The following TRABD2B variants were observed in gnomAD, a reference collection of about 807,000 sequenced individuals.
The protein encoded by TRABD2B is TraB domain containing 2B.
Under a neutral mutation model 40.1 loss-of-function variants are expected in TRABD2B, and 14 were observed. The observed-to-expected ratio is 0.35, with a 90% CI of 0.23 to 0.55. The LOEUF is 0.55. Among genes scored for constraint, TRABD2B ranks in the 20% least tolerant of loss-of-function variants. TRABD2B has a pLI of 0.90. For synonymous variants in TRABD2B, 263 were observed against 277.0 expected, an observed-to-expected ratio of 0.95 and a Z score of 0.50; for missense variants, 541 against 648.6, an observed-to-expected ratio of 0.83 and a Z score of 1.80.
In TRABD2B at chr1:47,910,509, C is replaced by T. The variant is rs540784326; in HGVS notation, c.666+83525G>A. Among the ~76,000 whole-genome samples, 6 of 152,240 alleles carry T rather than the reference C, an allele frequency of 3.9e-5. No homozygotes were observed. In the South Asian group the frequency reaches 1.2e-3, roughly 32 times the overall value. ...GATGGCCATGGGAAGTAGTGAGTACCTTGTCACTCAGAGAGTGGGAGAATG... is the reference window on the plus strand; with the variant it reads ...GATGGCCATGGGAAGTAGTGAGTACTTTGTCACTCAGAGAGTGGGAGAATG... On this transcript the variant is annotated intron_variant, in intron 2 of 6. Coordinates refer to ENST00000606738, the MANE Select transcript of TRABD2B (RefSeq NM_001194986.2).
At chr1:47,918,820 C>G (rs1644863807) in intron 2 of TRABD2B, among the ~76,000 whole-genome samples, 1 of 152,212 alleles carries the variant, frequency 6.6e-6, no homozygotes, top group South Asian at 2.1e-4. Context: ...TCCAAGAACT[C>G]GATCTGAGCC....
chr1:47,789,310 G>C (rs959378128), intron 4 of TRABD2B, among the ~76,000 whole-genome samples: 4 of 152,198 alleles, frequency 2.6e-5, no homozygotes, highest in Middle Eastern at 3.4e-3. Flanking sequence ...CAGGTTCATG[G>C]GCCCTCATTG....
intron 2 of TRABD2B, among the ~76,000 whole-genome samples, chr1:47,851,592 G>A (rs1391185164): frequency 6.6e-6 from 1 of 152,198 alleles, no homozygotes; most frequent in Non-Finnish European, 1.5e-5. Flanking sequence ...GAGTTTTGTA[G>A]AGTCAGAAGT....
rs1644295316 is a variant in TRABD2B at position 47,765,905 on chromosome 1, G to C, written c.1551C>G (p.Ser517=). The C allele has an allele frequency of 2.8e-6, 2 of 702,874 alleles. No individual in the cohort carries two copies. The highest frequency in any genetic ancestry group is 2.0e-5 in the Admixed American group (1 of 50,000). The allele number at this position is 702,874 out of a possible 1,614,324, so 43.5% of individuals were successfully genotyped here. A position where few individuals can be genotyped will look rare whatever the true frequency, so the allele number is the denominator to read the frequency against. Residue 517 remains serine, a synonymous_variant, in exon 7 of 7, where the codon TCC becomes TCG. Coordinates refer to ENST00000606738, the MANE Select transcript of TRABD2B (RefSeq NM_001194986.2). ...VCFLLHSLGP[S] ...TCTCCACTTGGGGTGGCCGAGGTCA[G>C]GAGGGCCCAAGGCTATGCAGCAGGA...
At chr1:47,861,227 C>A (rs902003442) in intron 2 of TRABD2B, among the ~76,000 whole-genome samples, 2 of 151,408 alleles carry the variant, frequency 1.3e-5, no homozygotes, top group African/African-American at 4.9e-5. Flanking sequence ...TTTCCCATCC[C>A]GAGGAGACAT....
At chr1:47,782,941 G>A (rs1644545372) in intron 4 of TRABD2B, among the ~76,000 whole-genome samples, 1 of 152,130 alleles carries the variant, frequency 6.6e-6, no homozygotes, top group South Asian at 2.1e-4. Flanking sequence ...ACTGACAGCT[G>A]TTCTCTGGCC....
chr1:47,806,141 A>G (rs887762223), intron 2 of TRABD2B, among the ~76,000 whole-genome samples: 10 of 152,254 alleles, frequency 6.6e-5, no homozygotes, highest in African/African-American at 2.4e-4. Context: ...GTGCTCCTTC[A>G]CCAGCATCCT....
intron 2 of TRABD2B, among the ~76,000 whole-genome samples, chr1:47,869,201 A>C (rs1644105389): frequency 6.6e-6 from 1 of 152,186 alleles, no homozygotes; most frequent in Non-Finnish European, 1.5e-5. Context: ...ATACACATAC[A>C]TGTATACATA....
chr1:47,785,019 A>G (rs1285500869), intron 4 of TRABD2B, among the ~76,000 whole-genome samples: 1 of 152,172 alleles, frequency 6.6e-6, no homozygotes, highest in Non-Finnish European at 1.5e-5. Context: ...GAGATGAGTG[A>G]GGAGTGAGAG....
chr1:47,985,884 G>A (rs1251541032), intron 2 of TRABD2B, among the ~76,000 whole-genome samples: 3 of 152,196 alleles, frequency 2.0e-5, no homozygotes, highest in Non-Finnish European at 4.4e-5. Flanking sequence ...ATTCAAAGGA[G>A]TAAGAGTTAG....
chr1:47,815,825 A>C (rs6703555), intron 2 of TRABD2B, among the ~76,000 whole-genome samples: 4,917 of 85,976 alleles, frequency 0.057, 284 homozygotes, highest in African/African-American at 0.16. Context: ...AGATAGATAG[A>C]TAGATAGATA....
intron 2 of TRABD2B, among the ~76,000 whole-genome samples, chr1:47,904,868 C>T (rs1209160754): frequency 1.3e-5 from 2 of 152,334 alleles, no homozygotes; most frequent in Middle Eastern, 3.4e-3. Flanking sequence ...TCTGTGCTCT[C>T]TCCCGATATA....
In TRABD2B at chr1:47,997,312, G is replaced by A. The variant is rs1195333373; in HGVS notation, c.-523C>T. The A allele has an allele frequency of 2.6e-6, 2 of 768,232 alleles. No individual in the cohort carries two copies. The highest frequency in any genetic ancestry group is 5.9e-5 in the South Asian group (1 of 17,040). The allele number at this position is 768,232 out of a possible 1,614,324, so 47.6% of individuals were successfully genotyped here. On this transcript the variant is annotated 5_prime_UTR_variant, in exon 1 of 7. Transcript: ENST00000606738. ...CGGCTGCCCCCGAGCCCGGCTCAGA[G>A]GGGCGGCGGGCGGCCGCGCGGCCGC...
intron 2 of TRABD2B, among the ~76,000 whole-genome samples, chr1:47,939,336 T>C (rs1348560992): frequency 6.6e-6 from 1 of 152,044 alleles, no homozygotes; most frequent in Non-Finnish European, 1.5e-5. Flanking sequence ...GATACCAGGA[T>C]GGATGTTGTG....
intron 2 of TRABD2B, among the ~76,000 whole-genome samples, chr1:47,816,366 ACTT>A (rs1165102862): frequency 6.6e-6 from 1 of 152,004 alleles, no homozygotes; most frequent in Non-Finnish European, 1.5e-5. Context: ...ATAACCATGA[ACTT>A]CTTCAACATG....
intron 6 of TRABD2B, 69 bp from the exon 7 acceptor site, chr1:47,766,175 C>T (rs2124408579): frequency 1.5e-6 from 1 of 688,776 alleles, no homozygotes; most frequent in East Asian, 2.7e-5. Flanking sequence ...CCTTGGGGCT[C>T]AGATCTGATT....
At chr1:47,888,085 C>T (rs1370963296) in intron 2 of TRABD2B, among the ~76,000 whole-genome samples, 1 of 152,176 alleles carries the variant, frequency 6.6e-6, no homozygotes, top group Non-Finnish European at 1.5e-5. Context: ...TTGCATGGTT[C>T]GTGATGAATT....
intron 2 of TRABD2B, among the ~76,000 whole-genome samples, chr1:47,860,520 T>G (rs911994975): frequency 2.0e-5 from 3 of 152,166 alleles, no homozygotes; most frequent in African/African-American, 7.2e-5. Flanking sequence ...GCCAAATCCC[T>G]GTTACAAATG....
intron 2 of TRABD2B, among the ~76,000 whole-genome samples, chr1:47,851,083 G>T (rs1645544136): frequency 6.6e-6 from 1 of 152,132 alleles, no homozygotes; most frequent in Non-Finnish European, 1.5e-5. Context: ...CTATGGACTG[G>T]TACCAGTCCA....
Sources: allele counts gnomAD v4.1 joint callset (sites outside exome capture counted in the v4.1 genomes callset), GRCh38; gene constraint gnomAD v4.1.1; transcripts MANE v1.5; gene names NCBI Gene and HGNC (gene_info 2026-07-23, HGNC 2026-07-21).